The following ANO3 variants were observed in gnomAD, a reference collection of about 807,000 sequenced individuals.
ANO3 encodes the protein anoctamin-3.
In ANO3, 99 loss-of-function variants were observed where a neutral mutation model predicts 144.8. That is an observed-to-expected ratio of 0.68 (90% CI 0.58 to 0.81). The LOEUF (loss-of-function observed/expected upper bound fraction) is 0.81. Among genes scored for constraint, ANO3 ranks in the 30% least tolerant of loss-of-function variants. The pLI is 0.00. For synonymous variants in ANO3, 414 were observed against 392.6 expected (o/e 1.05, Z -0.64); for missense variants, 905 against 1,202.2 (o/e 0.75, Z 3.66).
chr11:26,225,931 C>G (rs1173341818), intron 1 of ANO3, among the ~76,000 whole-genome samples: 2 of 152,072 alleles, frequency 1.3e-5, no homozygotes, highest in African/African-American at 2.4e-5. Context: ...TACATTAGTA[C>G]TCATACATTA....
chr11:26,331,781 C>G (rs1173916640), upstream of ANO3: 1 of 154,292 alleles, frequency 6.5e-6, no homozygotes, highest in East Asian at 1.9e-4. Context: ...AAAACAGAAA[C>G]GTCTCTGCAT....
intron 1 of ANO3, among the ~76,000 whole-genome samples, chr11:26,200,833 A>G (rs945483968): frequency 7.9e-5 from 12 of 152,142 alleles, no homozygotes; most frequent in African/African-American, 2.9e-4. Context: ...ACTTGTATAT[A>G]ACAGAAATTT....
intron 4 of ANO3, among the ~76,000 whole-genome samples, chr11:26,492,321 CTGATT>C (rs901628660): frequency 6.6e-6 from 1 of 152,138 alleles, no homozygotes; most frequent in Admixed American, 6.5e-5. Flanking sequence ...ACAATCTGAT[CTGATT>C]TTTCTTATAT....
chr11:26,250,148 T>C (rs1313564326), intron 1 of ANO3, among the ~76,000 whole-genome samples: 1 of 152,220 alleles, frequency 6.6e-6, no homozygotes, highest in East Asian at 1.9e-4. Context: ...GGGTGAACAA[T>C]AACTGTCTCT....
chr11:26,255,088 A>C (rs1388160610), intron 1 of ANO3, among the ~76,000 whole-genome samples: 1 of 152,200 alleles, frequency 6.6e-6, no homozygotes, highest in Non-Finnish European at 1.5e-5. Context: ...TCCATTAGGA[A>C]GTGATCTAAC....
intron 1 of ANO3, among the ~76,000 whole-genome samples, chr11:26,203,054 C>A (rs1851728946): frequency 6.6e-6 from 1 of 152,030 alleles, no homozygotes; most frequent in African/African-American, 2.4e-5. Flanking sequence ...ATAAGACAAG[C>A]AGTTTAGCCT....
chr11:26,500,531 T>G (rs866662999), intron 4 of ANO3, among the ~76,000 whole-genome samples: 9 of 152,154 alleles, frequency 5.9e-5, no homozygotes, highest in Admixed American at 1.3e-4. Context: ...TTTTGATTTG[T>G]GTTTCTCTAA....
intron 20 of ANO3, among the ~76,000 whole-genome samples, chr11:26,637,304 T>A (rs1373950914): frequency 6.6e-6 from 1 of 152,166 alleles, no homozygotes; most frequent in African/African-American, 2.4e-5. Context: ...CCTATGATCA[T>A]CTTCTTTTTC....
At chr11:26,638,100 C>G (rs1853023365) in intron 20 of ANO3, among the ~76,000 whole-genome samples, 1 of 152,096 alleles carries the variant, frequency 6.6e-6, no homozygotes, top group Admixed American at 6.6e-5. Flanking sequence ...TTGCATTTAT[C>G]ACTTAAAAAT....
At chr11:26,392,662 C>CT (rs879722904) in intron 1 of ANO3, among the ~76,000 whole-genome samples, 45 of 152,156 alleles carry the variant, frequency 3.0e-4, no homozygotes, top group Non-Finnish European at 4.6e-4. Flanking sequence ...AAAAGAAACT[C>CT]TAAGTACTAC....
At chr11:26,209,936 T>C (rs1851897322) in intron 1 of ANO3, among the ~76,000 whole-genome samples, 2 of 136,992 alleles carry the variant, frequency 1.5e-5, no homozygotes, top group South Asian at 4.7e-4. Flanking sequence ...ATTCTGTAGG[T>C]TGCCTGTTCA....
chr11:26,248,114 C>T (rs906432955), intron 1 of ANO3, among the ~76,000 whole-genome samples: 2 of 151,800 alleles, frequency 1.3e-5, no homozygotes, highest in Non-Finnish European at 2.9e-5. Flanking sequence ...CCCAGGCGGG[C>T]GAATCATGAG....
chr11:26,332,192 C>G lies in ANO3; in HGVS notation c.-84C>G. 1.2e-6 allele frequency: 2 copies of G among 1,612,882 alleles called. No homozygotes were observed. The highest frequency in any genetic ancestry group is 1.7e-6 in the Non-Finnish European group (2 of 1,179,430). On this transcript the variant is annotated 5_prime_UTR_variant, in exon 1 of 27. Transcript: ENST00000256737. ...CAGTGCGCTCGCTGAGGCTCCGGAC[C>G]TTGGAGCGTCTAGAGTCTGGCTACT...
chr11:26,294,871 T>C (rs1212160604), intron 1 of ANO3, among the ~76,000 whole-genome samples: 1 of 151,866 alleles, frequency 6.6e-6, no homozygotes, highest in Non-Finnish European at 1.5e-5. Context: ...GTCATTTTCC[T>C]TTTTTTTCTT....
intron 4 of ANO3, among the ~76,000 whole-genome samples, chr11:26,479,986 T>C (rs1374939512): frequency 6.6e-6 from 1 of 152,006 alleles, no homozygotes; most frequent in Non-Finnish European, 1.5e-5. Context: ...GTTTGGACAG[T>C]TGGAGGAACA....
intron 17 of ANO3, among the ~76,000 whole-genome samples, chr11:26,615,416 T>TATATATA (rs1565144567): frequency 5.8e-5 from 5 of 86,806 alleles, no homozygotes; most frequent in African/African-American, 1.1e-4. Flanking sequence ...ATATATATAT[T>TATATATA]TTTTTTTTTT....
chr11:26,390,730 T>C (rs1042327323), intron 1 of ANO3, among the ~76,000 whole-genome samples: 1 of 152,172 alleles, frequency 6.6e-6, no homozygotes, highest in African/African-American at 2.4e-5. Flanking sequence ...CATAAATATA[T>C]AGTGAACCAT....
chr11:26,229,587 A>T (rs1852345068), intron 1 of ANO3, among the ~76,000 whole-genome samples: 1 of 152,204 alleles, frequency 6.6e-6, no homozygotes, highest in South Asian at 2.1e-4. Context: ...TATGCTAGTT[A>T]GATTTCCTTT....
chr11:26,266,342 C>T (rs987178381), intron 1 of ANO3, among the ~76,000 whole-genome samples: 1 of 152,026 alleles, frequency 6.6e-6, no homozygotes, highest in Non-Finnish European at 1.5e-5. Flanking sequence ...ATTTATTGGG[C>T]ACCTATTATA....
Sources: gnomAD v4.1 joint callset for allele counts (sites outside exome capture counted in the v4.1 genomes callset) on GRCh38, gnomAD v4.1.1 for gene constraint, MANE v1.5 for transcripts, NCBI Gene and HGNC (gene_info 2026-07-23, HGNC 2026-07-21) for gene names.